RORA: variants seen among roughly 807,000 people sequenced by gnomAD.
RORA encodes RAR related orphan receptor A.
Under a neutral mutation model 69.5 loss-of-function variants are expected in RORA, and 7 were observed. The observed-to-expected ratio is 0.10, with a 90% CI of 0.06 to 0.19. The LOEUF (loss-of-function observed/expected upper bound fraction) is 0.19, where lower values mean the gene tolerates loss of function less well. Ranked by LOEUF, RORA falls within the 10% of genes least tolerant of loss-of-function variation. RORA has a pLI of 1.00. For synonymous variants in RORA, 261 were observed against 240.8 expected, an observed-to-expected ratio of 1.08 and a Z score of -0.78; for missense variants, 457 against 663.0, an observed-to-expected ratio of 0.69 and a Z score of 3.41.
chr15:60,992,815 C>A (rs1450067606), intron 1 of RORA, among the ~76,000 whole-genome samples: 2 of 152,156 alleles, frequency 1.3e-5, no homozygotes, highest in East Asian at 1.9e-4. Flanking sequence ...AAGTCTACTT[C>A]GGTCTGGTTT....
chr15:61,058,835 T>C (rs1377826221), intron 1 of RORA, among the ~76,000 whole-genome samples: 1 of 152,218 alleles, frequency 6.6e-6, no homozygotes, highest in Non-Finnish European at 1.5e-5. Flanking sequence ...CCTTTCTATG[T>C]TTAAGCATCC....
intron 1 of RORA, among the ~76,000 whole-genome samples, chr15:60,716,767 G>T (rs186284820): frequency 6.6e-6 from 1 of 152,040 alleles, no homozygotes; most frequent in Non-Finnish European, 1.5e-5. Context: ...ATATCATGAC[G>T]CTTCCATAAA....
At chr15:60,708,753 G>A (rs917975104) in intron 1 of RORA, among the ~76,000 whole-genome samples, 1 of 152,138 alleles carries the variant, frequency 6.6e-6, no homozygotes, top group Non-Finnish European at 1.5e-5. Context: ...AAGTCTGTTT[G>A]GTATTCAGTT....
intron 1 of RORA, among the ~76,000 whole-genome samples, chr15:61,156,139 A>G (rs2079440204): frequency 6.6e-6 from 1 of 152,182 alleles, no homozygotes; most frequent in Non-Finnish European, 1.5e-5. Flanking sequence ...ACTGGGTGAG[A>G]AGCCAGTTCC....
At chr15:60,854,808 C>T (rs1410176635) in intron 1 of RORA, among the ~76,000 whole-genome samples, 1 of 152,176 alleles carries the variant, frequency 6.6e-6, no homozygotes, top group Non-Finnish European at 1.5e-5. Flanking sequence ...TTTAAACCTG[C>T]CAAACATCGA....
intron 1 of RORA, among the ~76,000 whole-genome samples, chr15:60,942,446 G>A (rs1323313391): frequency 6.6e-6 from 1 of 152,194 alleles, no homozygotes; most frequent in African/African-American, 2.4e-5. Context: ...GGCGAATTAT[G>A]TGTGTTAAGC....
chr15:60,602,306 C>T (rs1034748860), intron 2 of RORA, among the ~76,000 whole-genome samples: 10 of 152,180 alleles, frequency 6.6e-5, no homozygotes, highest in Non-Finnish European at 1.5e-4. Context: ...AGTTGCCTAT[C>T]ATTAAATAAT....
intron 1 of RORA, among the ~76,000 whole-genome samples, chr15:61,077,240 G>A (rs1035317111): frequency 6.6e-6 from 1 of 152,038 alleles, no homozygotes; most frequent in Admixed American, 6.6e-5. Context: ...GGCAAGGAAA[G>A]GGTAGTGAGG....
At chr15:60,660,967 C>T (rs1030461086) in intron 2 of RORA, among the ~76,000 whole-genome samples, 1 of 151,340 alleles carries the variant, frequency 6.6e-6, no homozygotes, top group Non-Finnish European at 1.5e-5. Context: ...CATTTTCAGA[C>T]TTGTGTTTTC....
chr15:60,781,879 C>T (rs2072264907), intron 1 of RORA, among the ~76,000 whole-genome samples: 1 of 152,174 alleles, frequency 6.6e-6, no homozygotes, highest in Non-Finnish European at 1.5e-5. Flanking sequence ...GTGGGGAGCC[C>T]AGCAGCGTGA....
In RORA at chr15:60,774,147, C is replaced by T. The variant is rs115969080; in HGVS notation, c.167-95461G>A. On this transcript the variant is annotated intron_variant, in intron 1 of 10. Coordinates refer to ENST00000335670, the MANE Select transcript of RORA (RefSeq NM_134261.3). Reference sequence around the variant, plus strand: ...AGGACCTGGCGGACACCCACAGCCACGGCTTCTGGGGATTCCTAAAAGGGC... The same window carrying T: ...AGGACCTGGCGGACACCCACAGCCATGGCTTCTGGGGATTCCTAAAAGGGC... 4.4e-3 allele frequency among the ~76,000 whole-genome samples: 668 copies of T among 152,318 alleles called. 5 individuals are homozygous for T. Among genetic ancestry groups the T allele is most frequent in the East Asian group, 0.021 (107 of 5,164 alleles).
At chr15:60,824,621 T>C (rs576351314) in intron 1 of RORA, among the ~76,000 whole-genome samples, 8 of 152,336 alleles carry the variant, frequency 5.3e-5, no homozygotes, top group African/African-American at 1.9e-4. Flanking sequence ...GGACAAATTA[T>C]ATAACCTTCC....
chr15:60,505,576 T>G lies in RORA; in HGVS notation c.874A>C (p.Arg292=), dbSNP rs568558000. The part of the protein sequence containing the change: ...KSHLETCQYL[R]EELQQITWQT... ...CACGTTATCTGCTGGAGCTCTTCTCTCAAGTATTGGCAGGTTTCCAGATGC... is the reference window on the plus strand; with the variant it reads ...CACGTTATCTGCTGGAGCTCTTCTCGCAAGTATTGGCAGGTTTCCAGATGC... Residue 292 remains arginine (R), a synonymous_variant, in exon 6 of 11, where the codon AGA becomes CGA. Transcript: ENST00000335670. The G allele has an allele frequency of 1.2e-6, 2 of 1,613,938 alleles. No individual in the cohort carries two copies. The highest frequency in any genetic ancestry group is 1.3e-5 in the African/African-American group (1 of 75,044).
intron 2 of RORA, among the ~76,000 whole-genome samples, chr15:60,621,713 A>G (rs1451129081): frequency 6.6e-6 from 1 of 151,384 alleles, no homozygotes; most frequent in East Asian, 2.0e-4. Flanking sequence ...TGGTCATGGA[A>G]GAGAAAGACT....
At chr15:60,687,154 A>G (rs2070762082) in intron 1 of RORA, among the ~76,000 whole-genome samples, 1 of 152,212 alleles carries the variant, frequency 6.6e-6, no homozygotes, top group South Asian at 2.1e-4. Flanking sequence ...ATAGAAATTC[A>G]GTTCTAAATT....
rs1368948243 is a variant in RORA, at chr15:60,662,508, T to C, written c.196+16149A>G. Among the ~76,000 whole-genome samples, 8 of 152,182 alleles carry C rather than the reference T, an allele frequency of 5.3e-5. No homozygotes were observed. The South Asian group carries it at 1.5e-3, about 28-fold the overall frequency. ...GGAAATGTATTATTCATTTTTATAA[T>C]TGAGAAAAATGTGTTAACGCTCTGG... On this transcript the variant is annotated intron_variant, in intron 2 of 10. Coordinates refer to ENST00000335670, the MANE Select transcript of RORA (RefSeq NM_134261.3).
intron 1 of RORA, among the ~76,000 whole-genome samples, chr15:61,053,269 T>A (rs1470852888): frequency 6.6e-6 from 1 of 152,252 alleles, no homozygotes; most frequent in African/African-American, 2.4e-5. Context: ...AAACATTTTT[T>A]TTTTTGAACA....
intron 1 of RORA, among the ~76,000 whole-genome samples, chr15:60,772,806 G>A (rs543501257): frequency 2.0e-5 from 3 of 152,252 alleles, no homozygotes; most frequent in Non-Finnish European, 2.9e-5. Context: ...CCTGCACTGC[G>A]ATTCCTCCTC....
chr15:61,165,686 GA>G (rs1331665486), intron 1 of RORA, among the ~76,000 whole-genome samples: 1 of 152,168 alleles, frequency 6.6e-6, no homozygotes, highest in Admixed American at 6.5e-5. Context: ...CATGACTAGG[GA>G]AAGGAGGGGT....
Sources: allele counts gnomAD v4.1 joint callset (sites outside exome capture counted in the v4.1 genomes callset), GRCh38; gene constraint gnomAD v4.1.1; transcripts MANE v1.5; gene names NCBI Gene and HGNC (gene_info 2026-07-23, HGNC 2026-07-21).